The following UNC79 variants were observed in gnomAD, a reference collection of about 807,000 sequenced individuals.
The protein encoded by UNC79 is protein unc-79 homolog.
UNC79 carries 37 observed loss-of-function variants against 283.1 expected under a neutral mutation model. That is an observed-to-expected ratio of 0.13 (90% CI 0.10 to 0.17). The LOEUF (loss-of-function observed/expected upper bound fraction) is 0.17. UNC79 is among the 10% of genes least tolerant of loss of function. The pLI, the probability that UNC79 is intolerant of heterozygous loss-of-function variation, is 1.00. For synonymous variants in UNC79, 1,107 were observed against 1,200.2 expected (o/e 0.92, Z 1.61); for missense variants, 2,272 against 3,211.1 (o/e 0.71, Z 7.07).
intron 39 of UNC79, among the ~76,000 whole-genome samples, chr14:93,660,563 A>ATATATATATATATGTGTGTGTG (rs1203621990): frequency 6.2e-5 from 4 of 64,756 alleles, no homozygotes; most frequent in Non-Finnish European, 1.2e-4. Context: ...ATATATATAT[A>ATATATATATATATGTGTGTGTG]TGTGTGTGTG....
At chr14:93,592,300 G>A (rs1014973508) in intron 22 of UNC79, among the ~76,000 whole-genome samples, 21 of 150,082 alleles carry the variant, frequency 1.4e-4, no homozygotes, top group African/African-American at 4.7e-4. Context: ...TCAGCCCCCT[G>A]AGTAGGTGGG....
chr14:93,409,129 T>TA (rs1456716484), intron 1 of UNC79, among the ~76,000 whole-genome samples: 2 of 152,226 alleles, frequency 1.3e-5, no homozygotes, highest in African/African-American at 4.8e-5. Flanking sequence ...GTCAAAACTC[T>TA]CATTATTTGT....
intron 1 of UNC79, among the ~76,000 whole-genome samples, chr14:93,377,772 A>G (rs2054590669): frequency 1.3e-5 from 2 of 152,188 alleles, no homozygotes; most frequent in African/African-American, 4.8e-5. Flanking sequence ...TCCCAATAAA[A>G]TATTATTGCA....
intron 1 of UNC79, among the ~76,000 whole-genome samples, chr14:93,344,243 T>G (rs2139888319): frequency 6.6e-6 from 1 of 152,346 alleles, no homozygotes; most frequent in East Asian, 1.9e-4. Flanking sequence ...TTTTTGTTGC[T>G]TTTTAAAAAT....
chr14:93,610,706 G>A (rs926539711), intron 26 of UNC79, among the ~76,000 whole-genome samples: 1 of 151,570 alleles, frequency 6.6e-6, no homozygotes, highest in South Asian at 2.1e-4. Flanking sequence ...AACTTCCCAA[G>A]CTCATGTGAT....
At chr14:93,346,970 C>CAGGGGTGTGCTGGGTGGA (rs2053849568) in intron 1 of UNC79, among the ~76,000 whole-genome samples, 1 of 149,372 alleles carries the variant, frequency 6.7e-6, no homozygotes, top group South Asian at 2.1e-4. Context: ...TGGAGCAGAG[C>CAGGGGTGTGCTGGGTGGA]AGGGGTGTGC....
chr14:93,637,265 C>A lies in UNC79; in HGVS notation c.5766C>A (p.Asn1922Lys), dbSNP rs183729349. The A allele has an allele frequency of 4.2e-5, 67 of 1,604,382 alleles. No individual in the cohort carries two copies. Among genetic ancestry groups the A allele is most frequent in the Non-Finnish European group, 4.3e-5 (50 of 1,171,144 alleles). ...AGTGTAACGTGCCAACGTGCCTAAA[C>A]CCTGACCTGGAGGGACAGCCATTGA... The change falls in exon 32 of 49, where the codon AAC (asparagine) becomes AAA (lysine). Residue 1922 changes from asparagine to lysine, a missense_variant. Physicochemically the swap from Asn to Lys is moderately conservative, Grantham distance 94. Transcript: ENST00000555664.
intron 27 of UNC79, among the ~76,000 whole-genome samples, chr14:93,615,548 C>A (rs1325232736): frequency 6.6e-6 from 1 of 150,992 alleles, no homozygotes; most frequent in Non-Finnish European, 1.5e-5. Flanking sequence ...ATGGTGAAAC[C>A]CTGTCTCTAC....
chr14:93,459,160 T>G (rs2056874536), intron 1 of UNC79, among the ~76,000 whole-genome samples: 1 of 152,082 alleles, frequency 6.6e-6, no homozygotes, highest in African/African-American at 2.4e-5. Flanking sequence ...ACTGGCTAAT[T>G]TTTGTATTTT....
At chr14:93,575,892 T>C (rs936544993) in intron 17 of UNC79, among the ~76,000 whole-genome samples, 1 of 152,192 alleles carries the variant, frequency 6.6e-6, no homozygotes, top group Non-Finnish European at 1.5e-5. Context: ...TTTCCCCCAC[T>C]GTATGCCACA....
chr14:93,577,151 G>T (rs1051464888), intron 17 of UNC79, among the ~76,000 whole-genome samples: 1 of 152,128 alleles, frequency 6.6e-6, no homozygotes, highest in African/African-American at 2.4e-5. Flanking sequence ...AGAGAGCCGT[G>T]ATCATGCCAC....
chr14:93,393,597 C>T (rs2054929114), intron 1 of UNC79, among the ~76,000 whole-genome samples: 1 of 152,272 alleles, frequency 6.6e-6, no homozygotes, highest in South Asian at 2.1e-4. Context: ...CTCAGAAACA[C>T]AGTCAAGTGA....
At chr14:93,471,084 C>T (rs146050673) in intron 2 of UNC79, among the ~76,000 whole-genome samples, 217 of 152,148 alleles carry the variant, frequency 1.4e-3, no homozygotes, top group Non-Finnish European at 2.4e-3. Context: ...TAGAAAATGC[C>T]TAATATGTTA....
At chr14:93,499,212 A>G (rs2059170173) in intron 7 of UNC79, among the ~76,000 whole-genome samples, 1 of 152,204 alleles carries the variant, frequency 6.6e-6, no homozygotes, top group Non-Finnish European at 1.5e-5. Context: ...AATTGGTATC[A>G]TAGGTGCTGT....
intron 22 of UNC79, among the ~76,000 whole-genome samples, chr14:93,592,172 C>CT (rs557283063): frequency 0.052 from 6,546 of 124,760 alleles, 430 homozygotes; most frequent in East Asian, 0.24. Context: ...ATAACTTTTC[C>CT]TTTTTTTTTT....
At chr14:93,375,075 T>C (rs1186410086) in intron 1 of UNC79, among the ~76,000 whole-genome samples, 1 of 152,184 alleles carries the variant, frequency 6.6e-6, no homozygotes. Context: ...TAATTCCCAT[T>C]GTGGGAATAT....
intron 7 of UNC79, among the ~76,000 whole-genome samples, chr14:93,503,056 G>A (rs2059372127): frequency 6.6e-6 from 1 of 152,036 alleles, no homozygotes; most frequent in Non-Finnish European, 1.5e-5. Flanking sequence ...AAGTGTTCAT[G>A]GACCACCTCC....
intron 30 of UNC79, among the ~76,000 whole-genome samples, chr14:93,625,740 C>G (rs1417660181): frequency 2.0e-5 from 3 of 152,186 alleles, no homozygotes; most frequent in Admixed American, 2.0e-4. Flanking sequence ...TGTAATCCCT[C>G]CCTGCCTGCA....
intron 1 of UNC79, among the ~76,000 whole-genome samples, chr14:93,400,035 A>G (rs943548841): frequency 1.1e-4 from 16 of 152,174 alleles, no homozygotes; most frequent in Non-Finnish European, 1.8e-4. Flanking sequence ...CATGTTATCC[A>G]TCATTGACCC....
Sources: allele counts gnomAD v4.1 joint callset (sites outside exome capture counted in the v4.1 genomes callset), GRCh38; gene constraint gnomAD v4.1.1; transcripts MANE v1.5; gene names NCBI Gene and HGNC (gene_info 2026-07-23, HGNC 2026-07-21).